MACROD2: variants seen among roughly 807,000 people sequenced by gnomAD.
MACROD2 encodes ADP-ribose glycohydrolase MACROD2.
MACROD2 carries 36 observed loss-of-function variants against 70.4 expected under a neutral mutation model. That is an observed-to-expected ratio of 0.51 (90% CI 0.39 to 0.68). The LOEUF is 0.68. Among genes scored for constraint, MACROD2 ranks in the 30% least tolerant of loss-of-function variants. The pLI is 0.00. For missense variants in MACROD2, 496 were observed against 538.4 expected (o/e 0.92, Z 0.78); for synonymous variants, 172 against 178.8 (o/e 0.96, Z 0.30).
chr20:16,033,016 T>G (rs940497875), intron 15 of MACROD2, among the ~76,000 whole-genome samples: 8 of 152,098 alleles, frequency 5.3e-5, no homozygotes, highest in African/African-American at 1.9e-4. Context: ...ACATTACTTT[T>G]GACTAAAAAC....
chr20:15,642,028 G>A (rs944964780), intron 8 of MACROD2, among the ~76,000 whole-genome samples: 1 of 152,180 alleles, frequency 6.6e-6, no homozygotes, highest in African/African-American at 2.4e-5. Flanking sequence ...GGCATAAGAA[G>A]CCCTAAGAAT....
At chr20:15,816,713 T>C (rs998614753) in intron 8 of MACROD2, among the ~76,000 whole-genome samples, 3 of 152,258 alleles carry the variant, frequency 2.0e-5, no homozygotes, top group Admixed American at 1.3e-4. Context: ...CAGCAGGACT[T>C]CATTAGCTCC....
intron 3 of MACROD2, among the ~76,000 whole-genome samples, chr20:14,207,648 C>T (rs78293113): frequency 0.027 from 4,076 of 152,228 alleles, 53 homozygotes; most frequent in Non-Finnish European, 0.032. Flanking sequence ...GAAAGCTATT[C>T]GGTTATGAGG....
chr20:15,089,015 C>A lies in MACROD2; in HGVS notation c.419-140925C>A, dbSNP rs529141652. 2.0e-5 allele frequency among the ~76,000 whole-genome samples: 3 copies of A among 152,106 alleles called. No homozygotes were observed. The South Asian group carries it at 6.2e-4, about 32-fold the overall frequency. On this transcript the variant is annotated intron_variant, in intron 5 of 17. Transcript: ENST00000684519. The stretch of plus-strand genomic sequence containing the variant: ...CAAGCTTTAAATAGTTGTTTACACC[C>A]AAGCAGTAGAGTAGGACAGTTTTTT...
chr20:15,212,320 C>T lies in MACROD2; in HGVS notation c.419-17620C>T, dbSNP rs141374432. On this transcript the variant is annotated intron_variant, in intron 5 of 17. Coordinates refer to ENST00000684519, the MANE Select transcript of MACROD2 (RefSeq NM_001351661.2). The stretch of plus-strand genomic sequence containing the variant: ...TCTTCTCACAATTAGTGCACATGCA[C>T]ACCCTGATCTTTTTATAATTTAAAT... 9.2e-5 allele frequency among the ~76,000 whole-genome samples: 14 copies of T among 152,290 alleles called. No individual in the cohort carries two copies. In the East Asian group the frequency reaches 2.7e-3, roughly 29 times the overall value.
chr20:15,750,962 A>G (rs2051260681), intron 8 of MACROD2, among the ~76,000 whole-genome samples: 1 of 152,024 alleles, frequency 6.6e-6, no homozygotes, highest in African/African-American at 2.4e-5. Flanking sequence ...TCACAGAAGC[A>G]GAGAGTAGAA....
At chr20:14,153,296 G>C (rs187232153) in intron 3 of MACROD2, among the ~76,000 whole-genome samples, 4 of 152,192 alleles carry the variant, frequency 2.6e-5, no homozygotes, top group Admixed American at 2.6e-4. Context: ...TATATATAGA[G>C]AAAAATCCAA....
intron 5 of MACROD2, among the ~76,000 whole-genome samples, chr20:14,921,541 C>T (rs574477584): frequency 1.3e-5 from 2 of 152,230 alleles, no homozygotes; most frequent in African/African-American, 4.8e-5. Context: ...TTTGCCTTGG[C>T]GTCTTTGTTA....
chr20:15,135,869 T>C (rs1438584987), intron 5 of MACROD2, among the ~76,000 whole-genome samples: 2 of 151,572 alleles, frequency 1.3e-5, no homozygotes, highest in Admixed American at 1.3e-4. Flanking sequence ...CAGCAAAGTC[T>C]CAGGATACAA....
chr20:15,701,386 TATAAG>T (rs2050455770), intron 8 of MACROD2, among the ~76,000 whole-genome samples: 1 of 152,260 alleles, frequency 6.6e-6, no homozygotes, highest in Non-Finnish European at 1.5e-5. Context: ...AAAGAAAAGT[TATAAG>T]AGAACATCTT....
intron 12 of MACROD2, among the ~76,000 whole-genome samples, chr20:15,953,848 T>C (rs956022057): frequency 6.6e-6 from 1 of 152,158 alleles, no homozygotes; most frequent in Non-Finnish European, 1.5e-5. Context: ...CTGACACCTG[T>C]TATGAAGCAA....
At chr20:14,285,668 A>G (rs532371897) in intron 3 of MACROD2, among the ~76,000 whole-genome samples, 1 of 152,098 alleles carries the variant, frequency 6.6e-6, no homozygotes, top group East Asian at 1.9e-4. Context: ...CTCCATCTCC[A>G]GTCCCTCACT....
intron 5 of MACROD2, among the ~76,000 whole-genome samples, chr20:15,136,158 T>TGTG (rs1436275963): frequency 1.3e-5 from 2 of 150,540 alleles, no homozygotes; most frequent in Admixed American, 6.6e-5. Context: ...ATAGATTCAA[T>TGTG]GCCATCCCCA....
chr20:14,350,763 G>A (rs993021008), intron 3 of MACROD2, among the ~76,000 whole-genome samples: 1 of 152,104 alleles, frequency 6.6e-6, no homozygotes, highest in Admixed American at 6.6e-5. Flanking sequence ...TTAACTTGAT[G>A]TGATCCCATT....
At chr20:15,153,621 A>C (rs1182921420) in intron 5 of MACROD2, among the ~76,000 whole-genome samples, 1 of 152,196 alleles carries the variant, frequency 6.6e-6, no homozygotes, top group African/African-American at 2.4e-5. Context: ...GACCTGTCTC[A>C]TAAGCATAAT....
intron 5 of MACROD2, among the ~76,000 whole-genome samples, chr20:15,192,389 A>G (rs1381532149): frequency 6.6e-6 from 1 of 152,228 alleles, no homozygotes; most frequent in Non-Finnish European, 1.5e-5. Context: ...AATCTTTCAA[A>G]TCAAACTGTT....
intron 3 of MACROD2, among the ~76,000 whole-genome samples, chr20:14,152,438 T>G (rs1464430213): frequency 6.6e-6 from 1 of 151,568 alleles, no homozygotes; most frequent in Non-Finnish European, 1.5e-5. Context: ...ATTTTTTTTT[T>G]TTTTTTGAGA....
intron 5 of MACROD2, among the ~76,000 whole-genome samples, chr20:15,145,540 G>T (rs1029567174): frequency 1.3e-5 from 2 of 152,104 alleles, no homozygotes; most frequent in Admixed American, 1.3e-4. Context: ...CTAAATATTT[G>T]AAAGAAATAC....
chr20:15,086,227 G>A (rs142065742), intron 5 of MACROD2, among the ~76,000 whole-genome samples: 1 of 152,236 alleles, frequency 6.6e-6, no homozygotes, highest in African/African-American at 2.4e-5. Flanking sequence ...CCTAAAATAG[G>A]TACAAAGTAT....
Sources: gnomAD v4.1 joint callset for allele counts (sites outside exome capture counted in the v4.1 genomes callset) on GRCh38, gnomAD v4.1.1 for gene constraint, MANE v1.5 for transcripts, NCBI Gene and HGNC (gene_info 2026-07-23, HGNC 2026-07-21) for gene names.